Variants in SHQ1 observed in about 807,000 individuals in gnomAD.
SHQ1 encodes the protein protein SHQ1 homolog.
In SHQ1, 49 loss-of-function variants were observed where a neutral mutation model predicts 53.8. The observed-to-expected ratio is 0.91, with a 90% CI of 0.72 to 1.16. The LOEUF (loss-of-function observed/expected upper bound fraction) is 1.16, where lower values mean the gene tolerates loss of function less well. Ranked by LOEUF, SHQ1 falls within the 50% of genes most tolerant of loss-of-function variation. The pLI is 0.00. For missense variants in SHQ1, 738 were observed against 683.1 expected, an observed-to-expected ratio of 1.08 and a Z score of -0.90; for synonymous variants, 243 against 251.0, an observed-to-expected ratio of 0.97 and a Z score of 0.30.
chr3:72,800,135 T>G (rs1490125208), intron 9 of SHQ1, among the ~76,000 whole-genome samples: 3 of 152,166 alleles, frequency 2.0e-5, no homozygotes, highest in Admixed American at 6.6e-5. Context: ...GACTTCAAGC[T>G]GCCAGTTCAA....
intron 10 of SHQ1, chr3:72,772,665 T>C: frequency 5.6e-6 from 4 of 718,410 alleles, no homozygotes; most frequent in Non-Finnish European, 1.0e-5. Flanking sequence ...ACAATCTTGA[T>C]GGTGCTTCCA....
chr3:72,811,199 G>A (rs1006846286), intron 9 of SHQ1, among the ~76,000 whole-genome samples: 3 of 152,150 alleles, frequency 2.0e-5, no homozygotes, highest in African/African-American at 7.2e-5. Context: ...GTGTGTGAGT[G>A]TGTGTGCAAA....
chr3:72,814,316 T>C (rs971000568), intron 8 of SHQ1, among the ~76,000 whole-genome samples: 3 of 152,340 alleles, frequency 2.0e-5, no homozygotes, highest in Middle Eastern at 3.4e-3. Flanking sequence ...CATGGCAACA[T>C]GAGGAACTCC....
chr3:72,809,658 T>C (rs1382022693), intron 9 of SHQ1: 1 of 152,154 alleles, frequency 6.6e-6, no homozygotes, highest in African/African-American at 2.4e-5. Flanking sequence ...ACTTCTAAAA[T>C]GAATAACTCT....
At chr3:72,729,388 G>A in the SHQ1 span, among the ~76,000 whole-genome samples, 3 of 152,278 alleles carry the variant, frequency 2.0e-5, no homozygotes, top group South Asian at 2.1e-4. Flanking sequence ...GCCTGGGGCC[G>A]CTGCTCGTGC....
At chr3:72,777,153 T>C (rs1705974553) in intron 10 of SHQ1, among the ~76,000 whole-genome samples, 1 of 152,206 alleles carries the variant, frequency 6.6e-6, no homozygotes, top group Admixed American at 6.5e-5. Flanking sequence ...CATAAAAACT[T>C]TCTTAAACGA....
intron 4 of SHQ1, among the ~76,000 whole-genome samples, chr3:72,834,508 C>T (rs758117183): frequency 9.9e-5 from 15 of 152,058 alleles, no homozygotes; most frequent in African/African-American, 1.4e-4. Flanking sequence ...CCAGCTTGGG[C>T]AATAGAGCAA....
At chr3:72,769,146 G>C (rs1705794074) in intron 10 of SHQ1, among the ~76,000 whole-genome samples, 2 of 152,168 alleles carry the variant, frequency 1.3e-5, no homozygotes, top group African/African-American at 4.8e-5. Context: ...GGCAGGTGGG[G>C]GTCTGTGGCA....
chr3:72,767,515 G>T (rs757887845), intron 10 of SHQ1, among the ~76,000 whole-genome samples: 1 of 152,194 alleles, frequency 6.6e-6, no homozygotes, highest in Non-Finnish European at 1.5e-5. Context: ...ATAGTTTTAC[G>T]AGGTAGGGAG....
At chr3:72,753,571 T>C (rs1021658208) in intron 10 of SHQ1, 1 of 985,030 alleles carries the variant, frequency 1.0e-6, no homozygotes, top group Admixed American at 6.2e-5. Context: ...GTGCGGTGAG[T>C]GGGACAAGGG....
chr3:72,750,852 A>C lies in SHQ1; in HGVS notation c.1182-16T>G. 9 of 1,491,580 alleles carry C rather than the reference A, an allele frequency of 6.0e-6. No homozygotes were observed. Among genetic ancestry groups the C allele is most frequent in the Non-Finnish European group, 8.0e-6 (9 of 1,121,524 alleles). The allele number at this position is 1,491,580 out of a possible 1,614,324, so 92.4% of individuals were successfully genotyped here. A position where few individuals can be genotyped will look rare whatever the true frequency, so the allele number is the denominator to read the frequency against. On this transcript the variant is annotated splice_polypyrimidine_tract_variant and intron_variant, in intron 10 of 10. Coordinates refer to ENST00000325599, the MANE Select transcript of SHQ1 (RefSeq NM_018130.3). ...CTTTTTGGATCTTGAAAACATTTTA[A>C]AAAGAAAGATTAGAATTATTTATTA...
At chr3:72,834,204 T>C (rs888862397) in intron 4 of SHQ1, among the ~76,000 whole-genome samples, 6 of 152,196 alleles carry the variant, frequency 3.9e-5, no homozygotes, top group African/African-American at 1.4e-4. Flanking sequence ...CATACTAATA[T>C]AATAAAAAGG....
At chr3:72,751,496 G>GTATACATATA (rs1372925082) in intron 10 of SHQ1, among the ~76,000 whole-genome samples, 2 of 117,120 alleles carry the variant, frequency 1.7e-5, no homozygotes. Context: ...GTGTGTGTGT[G>GTATACATATA]TGTGTGTGTG....
chr3:72,750,797 T>C lies in SHQ1; in HGVS notation c.1221A>G (p.Glu407=). The C allele has an allele frequency of 6.5e-7, 1 of 1,546,942 alleles. No individual in the cohort carries two copies. Among genetic ancestry groups the C allele is most frequent in the African/African-American group, 1.4e-5 (1 of 72,882 alleles). The change falls in exon 11 of 11, where the codon GAA becomes GAG. Residue 407 remains glutamate, a synonymous_variant. Transcript: ENST00000325599. ...CCAGCTGGGCCTTTGTAAGGGAGAC[T>C]TCCTTTAAGGCTTCTGCAAGAGCTG... ...KLAALAEALK[E]VSLTKAQLGL...
intron 9 of SHQ1, among the ~76,000 whole-genome samples, chr3:72,807,390 A>T (rs1043117905): frequency 1.3e-5 from 2 of 152,226 alleles, no homozygotes; most frequent in African/African-American, 4.8e-5. Flanking sequence ...CTCAACAAAT[A>T]CTTGTTGAAT....
chr3:72,773,676 G>A (rs1388213107), intron 10 of SHQ1, among the ~76,000 whole-genome samples: 1 of 152,044 alleles, frequency 6.6e-6, no homozygotes, highest in African/African-American at 2.4e-5. Flanking sequence ...GAAAGGTGGT[G>A]AGACCAAAAA....
chr3:72,774,002 T>C (rs1363019173), intron 10 of SHQ1, among the ~76,000 whole-genome samples: 1 of 152,186 alleles, frequency 6.6e-6, no homozygotes, highest in African/African-American at 2.4e-5. Context: ...TCACAAAAAT[T>C]AAATCCTCCG....
At chr3:72,806,612 A>C (rs576226423) in intron 9 of SHQ1, among the ~76,000 whole-genome samples, 1 of 152,348 alleles carries the variant, frequency 6.6e-6, no homozygotes, top group South Asian at 2.1e-4. Flanking sequence ...CTAGTTTTAG[A>C]GGCTGTAGAG....
chr3:72,768,352 C>G (rs1051574619), intron 10 of SHQ1, among the ~76,000 whole-genome samples: 7 of 152,054 alleles, frequency 4.6e-5, no homozygotes, highest in Non-Finnish European at 8.8e-5. Flanking sequence ...TCAGATGGAG[C>G]CTGAGGAATA....
Sources: gnomAD v4.1 joint callset for allele counts (sites outside exome capture counted in the v4.1 genomes callset) on GRCh38, gnomAD v4.1.1 for gene constraint, MANE v1.5 for transcripts, NCBI Gene and HGNC (gene_info 2026-07-23, HGNC 2026-07-21) for gene names.